Variants in CNTNAP5 observed in about 807,000 individuals in gnomAD.
CNTNAP5 encodes the protein contactin associated protein family member 5, also known as contactin-associated protein-like 5.
Under a neutral mutation model 150.2 loss-of-function variants are expected in CNTNAP5, and 72 were observed. The ratio of observed to expected loss-of-function variants is 0.48; its 90% CI spans 0.40 to 0.58. The LOEUF is 0.58. Ranked by LOEUF, CNTNAP5 falls within the 20% of genes least tolerant of loss-of-function variation. The pLI is 0.00. For synonymous variants in CNTNAP5, 672 were observed against 619.8 expected, an observed-to-expected ratio of 1.08 and a Z score of -1.25; for missense variants, 1,636 against 1,626.2, an observed-to-expected ratio of 1.01 and a Z score of -0.10.
intron 3 of CNTNAP5, among the ~76,000 whole-genome samples, chr2:124,251,095 A>G (rs1280113401): frequency 6.6e-6 from 1 of 152,092 alleles, no homozygotes; most frequent in Admixed American, 6.6e-5. Flanking sequence ...TGAGAGGCAC[A>G]TTTCCTACTG....
At chr2:124,429,515 T>C (rs1425284680) in intron 4 of CNTNAP5, among the ~76,000 whole-genome samples, 2 of 152,228 alleles carry the variant, frequency 1.3e-5, no homozygotes, top group African/African-American at 2.4e-5. Context: ...TTGAAAGTTT[T>C]GAAAACCCTT....
chr2:124,537,432 G>T (rs940052721), intron 10 of CNTNAP5, among the ~76,000 whole-genome samples: 1 of 152,198 alleles, frequency 6.6e-6, no homozygotes, highest in African/African-American at 2.4e-5. Flanking sequence ...GCAGCTCACT[G>T]TCACTATCTC....
intron 11 of CNTNAP5, among the ~76,000 whole-genome samples, chr2:124,583,015 C>A (rs1696449870): frequency 6.6e-6 from 1 of 152,028 alleles, no homozygotes; most frequent in Non-Finnish European, 1.5e-5. Flanking sequence ...CAGCTTGACA[C>A]CTCATTATTG....
rs183651811 is a variant in CNTNAP5, at chr2:124,707,712, C to A, written c.2078-39517C>A. On this transcript the variant is annotated intron_variant, in intron 13 of 23. Coordinates refer to ENST00000682447, the MANE Select transcript of CNTNAP5 (RefSeq NM_001367498.1). ...CCATGACATCTAACAAACCTAACACCTCTCTACCTCACTTTCTATTTCTGT... is the reference window on the plus strand; with the variant it reads ...CCATGACATCTAACAAACCTAACACATCTCTACCTCACTTTCTATTTCTGT... Among the ~76,000 whole-genome samples the A allele has an allele frequency of 1.4e-3, 216 of 152,256 alleles. 1 individual carries two copies. The highest frequency in any genetic ancestry group is 4.1e-3 in the African/African-American group (172 of 41,566).
intron 1 of CNTNAP5, among the ~76,000 whole-genome samples, chr2:124,032,217 CT>C (rs1558731426): frequency 6.6e-6 from 1 of 152,050 alleles, no homozygotes; most frequent in Non-Finnish European, 1.5e-5. Flanking sequence ...TCAAAGTATG[CT>C]CTTTGAGGAA....
At chr2:124,155,146 C>T (rs1267323809) in intron 1 of CNTNAP5, among the ~76,000 whole-genome samples, 1 of 144,206 alleles carries the variant, frequency 6.9e-6, no homozygotes, top group East Asian at 2.1e-4. Context: ...GAGCCAAAAC[C>T]TGCTTCTGTA....
chr2:124,910,833 A>T (rs548007381), intron 22 of CNTNAP5, among the ~76,000 whole-genome samples: 18 of 152,166 alleles, frequency 1.2e-4, no homozygotes, highest in Admixed American at 9.2e-4. Flanking sequence ...ATATACACAC[A>T]TATAGGTATT....
At chr2:124,343,567 G>T (rs1308710843) in intron 3 of CNTNAP5, among the ~76,000 whole-genome samples, 1 of 152,118 alleles carries the variant, frequency 6.6e-6, no homozygotes. Context: ...TATTCATGTA[G>T]CCAGAGTGAC....
At chr2:124,394,530 C>T (rs1025562494) in intron 3 of CNTNAP5, among the ~76,000 whole-genome samples, 2 of 152,160 alleles carry the variant, frequency 1.3e-5, no homozygotes, top group Admixed American at 1.3e-4. Flanking sequence ...ATGGCTTAGA[C>T]TTCCATGGAC....
chr2:124,273,764 A>T (rs1485325903), intron 3 of CNTNAP5, among the ~76,000 whole-genome samples: 2 of 152,170 alleles, frequency 1.3e-5, no homozygotes, highest in Admixed American at 6.5e-5. Flanking sequence ...TTTCCTTCAT[A>T]ATGAAAATGT....
intron 1 of CNTNAP5, among the ~76,000 whole-genome samples, chr2:124,108,539 A>G (rs1296745840): frequency 6.6e-6 from 1 of 152,122 alleles, no homozygotes; most frequent in African/African-American, 2.4e-5. Context: ...TGCACGTATG[A>G]TACTGTTGCT....
chr2:124,853,165 G>A (rs1683190824), intron 19 of CNTNAP5, among the ~76,000 whole-genome samples: 1 of 152,188 alleles, frequency 6.6e-6, no homozygotes, highest in Non-Finnish European at 1.5e-5. Context: ...ATCCCTCAGT[G>A]GTGGTCCAGA....
chr2:124,399,265 G>C (rs552580942), intron 3 of CNTNAP5, among the ~76,000 whole-genome samples: 380 of 152,250 alleles, frequency 2.5e-3, no homozygotes, highest in South Asian at 7.1e-3. Flanking sequence ...CATGATAAAT[G>C]TGGGTTATTA....
At chr2:124,693,868 T>C (rs1215157553) in intron 13 of CNTNAP5, among the ~76,000 whole-genome samples, 1 of 147,444 alleles carries the variant, frequency 6.8e-6, no homozygotes, top group East Asian at 2.0e-4. Context: ...ACCAACCAGC[T>C]TGACTGTTGT....
chr2:124,067,934 A>G (rs1434958347), intron 1 of CNTNAP5, among the ~76,000 whole-genome samples: 1 of 152,200 alleles, frequency 6.6e-6, no homozygotes, highest in Non-Finnish European at 1.5e-5. Context: ...AAATAAAATT[A>G]GTGCATATAG....
At chr2:124,526,213 A>G (rs536376154) in intron 9 of CNTNAP5, among the ~76,000 whole-genome samples, 1 of 152,346 alleles carries the variant, frequency 6.6e-6, no homozygotes, top group South Asian at 2.1e-4. Context: ...AAGATGTATC[A>G]GTGATTTGAA....
chr2:124,385,920 G>A (rs112669267), intron 3 of CNTNAP5, among the ~76,000 whole-genome samples: 1,716 of 152,108 alleles, frequency 0.011, 28 homozygotes, highest in African/African-American at 0.039. Context: ...GTTTTCGGCC[G>A]TTTGGCTATG....
At chr2:124,647,113 A>G (rs149233829) in intron 12 of CNTNAP5, among the ~76,000 whole-genome samples, 1 of 152,174 alleles carries the variant, frequency 6.6e-6, no homozygotes, top group African/African-American at 2.4e-5. Context: ...TCTTTCGCCT[A>G]TTAGGCAAAA....
At chr2:124,567,984 T>G (rs1573464895) in intron 11 of CNTNAP5, among the ~76,000 whole-genome samples, 1 of 152,184 alleles carries the variant, frequency 6.6e-6, no homozygotes, top group Non-Finnish European at 1.5e-5. Context: ...AAAGCTTATG[T>G]AAATTCCACA....
Sources: gnomAD v4.1 joint callset for allele counts (sites outside exome capture counted in the v4.1 genomes callset) on GRCh38, gnomAD v4.1.1 for gene constraint, MANE v1.5 for transcripts, NCBI Gene and HGNC (gene_info 2026-07-23, HGNC 2026-07-21) for gene names.